Variants in RDX observed in about 807,000 individuals in gnomAD.
RDX encodes radixin.
A neutral mutation model predicts 83.7 loss-of-function variants in RDX; 32 were observed. The observed-to-expected ratio is 0.38, with a 90% CI of 0.29 to 0.51. The LOEUF (loss-of-function observed/expected upper bound fraction) is 0.51, where lower values mean the gene tolerates loss of function less well. RDX is among the 20% of genes least tolerant of loss of function. The pLI is 0.87. For synonymous variants in RDX, 229 were observed against 222.7 expected (o/e 1.03, Z -0.25); for missense variants, 600 against 689.9 (o/e 0.87, Z 1.46).
At chr11:110,256,692 T>C (rs987148046) in intron 7 of RDX, among the ~76,000 whole-genome samples, 1 of 152,128 alleles carries the variant, frequency 6.6e-6, no homozygotes, top group Non-Finnish European at 1.5e-5. Context: ...CTGGGCAACA[T>C]AGCAAGATCC....
chr11:110,266,903 T>C (rs1373654300), intron 3 of RDX, among the ~76,000 whole-genome samples: 4 of 151,994 alleles, frequency 2.6e-5, no homozygotes, highest in African/African-American at 9.7e-5. Context: ...TTTGTTTGTT[T>C]GTTTGTTTGT....
chr11:110,224,137 G>A (rs1041419698), intron 14 of RDX, among the ~76,000 whole-genome samples: 11 of 151,804 alleles, frequency 7.2e-5, no homozygotes, highest in Non-Finnish European at 1.2e-4. Context: ...GATAATCTCT[G>A]AGTTATGTTT....
chr11:110,218,873 C>T (rs1050205446), intron 14 of RDX, among the ~76,000 whole-genome samples: 21 of 152,154 alleles, frequency 1.4e-4, no homozygotes, highest in Admixed American at 5.2e-4. Context: ...GCTCTCAGAG[C>T]TCATCTATCC....
chr11:110,281,938 CAAAAA>C (rs750336725), intron 1 of RDX, among the ~76,000 whole-genome samples: 1 of 91,252 alleles, frequency 1.1e-5, no homozygotes. Flanking sequence ...CCATCTCTAT[CAAAAA>C]AAAAAAAAAA....
rs1159514174 is a variant in RDX at position 110,243,098 on chromosome 11, A to T, written c.1090+4605T>A. Among the ~76,000 whole-genome samples the T allele has an allele frequency of 2.6e-5, 4 of 152,262 alleles. No individual in the cohort carries two copies. In the South Asian group the frequency reaches 8.3e-4, roughly 32 times the overall value. ...GAACTCCAAATTACTCCAAAATCCT[A>T]AATTTTTTGAGCATTTGCATGACAC... On this transcript the variant is annotated intron_variant, in intron 10 of 13. Coordinates refer to ENST00000645495, the MANE Select transcript of RDX (RefSeq NM_002906.4).
chr11:110,279,415 A>T (rs1356570288), intron 2 of RDX, among the ~76,000 whole-genome samples: 1 of 152,154 alleles, frequency 6.6e-6, no homozygotes, highest in Non-Finnish European at 1.5e-5. Flanking sequence ...AATCCCAGCT[A>T]CTCAGGAGGC....
intron 2 of RDX, among the ~76,000 whole-genome samples, chr11:110,275,474 T>C (rs1055869371): frequency 1.3e-5 from 2 of 152,204 alleles, no homozygotes; most frequent in Admixed American, 1.3e-4. Flanking sequence ...AACACTAAAT[T>C]TGTGGTAATT....
At chr11:110,209,439 A>C (rs545133288) in intron 14 of RDX, among the ~76,000 whole-genome samples, 43 of 152,254 alleles carry the variant, frequency 2.8e-4, no homozygotes, top group Non-Finnish European at 4.1e-4. Flanking sequence ...CCCAGGCTTG[A>C]TTAGGTAAAC....
intron 3 of RDX, 64 bp from the exon 4 acceptor site, chr11:110,264,938 T>G (rs1452418466): frequency 8.6e-7 from 1 of 1,162,244 alleles, no homozygotes; most frequent in Non-Finnish European, 1.3e-6. Context: ...GTCTAGATGA[T>G]ACTACACTTC....
In RDX at chr11:110,236,156, T is replaced by C. The variant is rs781594376; in HGVS notation, c.1287A>G (p.Ala429=). 3 of 1,612,624 alleles carry C rather than the reference T, an allele frequency of 1.9e-6. No individual in the cohort carries two copies. The Admixed American group carries it at 5.0e-5, about 27-fold the overall frequency. Residue 429 remains alanine, a synonymous_variant, in exon 12 of 14, where the codon GCA becomes GCG. Transcript: ENST00000645495. ...TTTTCTTCTTGGCTTCCTCTAGAAG[T>C]GCAATCTTGGCAGTGAATTCAGCAA... ...AELAEFTAKI[A]LLEEAKKKKE...
At chr11:110,223,340 G>A (rs375070812) in intron 14 of RDX, among the ~76,000 whole-genome samples, 3 of 151,678 alleles carry the variant, frequency 2.0e-5, no homozygotes, top group Admixed American at 6.6e-5. Context: ...GCGACAGAGC[G>A]AGACTCCATC....
Position 110,288,635 on chromosome 11 carries a change from T to TA in RDX, c.-65+7831dup, listed in dbSNP as rs565587446. On this transcript the variant is annotated intron_variant, in intron 1 of 13. Transcript: ENST00000645495. ...TATGTTTCTTAAATGTCTTTATAAT[T>TA]AGACAATATTCTCTAACACAGTCAA... Among the ~76,000 whole-genome samples, 22 of 152,344 alleles carry TA rather than the reference T, an allele frequency of 1.4e-4. No individual in the cohort carries two copies. In the South Asian group the frequency reaches 4.3e-3, roughly 30 times the overall value.
At chr11:110,236,839 T>C (rs1014845115) in intron 11 of RDX, among the ~76,000 whole-genome samples, 3 of 151,810 alleles carry the variant, frequency 2.0e-5, no homozygotes, top group Non-Finnish European at 4.4e-5. Flanking sequence ...AGGGTGGTCT[T>C]GAACTCCTGA....
intron 14 of RDX, among the ~76,000 whole-genome samples, chr11:110,221,019 C>A (rs1489669110): frequency 6.6e-6 from 1 of 151,872 alleles, no homozygotes; most frequent in East Asian, 1.9e-4. Flanking sequence ...CCTAGAAAAA[C>A]CATGCAGAGA....
rs981383497 is a variant in RDX at position 110,187,603 on chromosome 11, T to A, written c.*31+11978A>T. On this transcript the variant is annotated intron_variant, in intron 15 of 15. Transcript: ENST00000528498. The stretch of plus-strand genomic sequence containing the variant: ...TGCAGAGAACTTGGAGCTGAGAAGT[T>A]CCCCAGCTCCATACCTAGGCACACC... Among the ~76,000 whole-genome samples the A allele has an allele frequency of 2.0e-5, 3 of 152,134 alleles. No individual in the cohort carries two copies. The East Asian group carries it at 5.8e-4, about 29-fold the overall frequency.
intron 14 of RDX, among the ~76,000 whole-genome samples, chr11:110,202,460 C>T (rs1396305035): frequency 6.6e-6 from 1 of 152,028 alleles, no homozygotes; most frequent in Non-Finnish European, 1.5e-5. Context: ...GCTCTGTCCT[C>T]CAAACTGGAG....
At chr11:110,238,246 T>C (rs527585272) in intron 10 of RDX, among the ~76,000 whole-genome samples, 4 of 152,338 alleles carry the variant, frequency 2.6e-5, no homozygotes, top group Middle Eastern at 6.8e-3. Flanking sequence ...TATTGGTATA[T>C]ATTCATTCCT....
intron 9 of RDX, among the ~76,000 whole-genome samples, chr11:110,251,183 T>C (rs1156840096): frequency 6.6e-6 from 1 of 152,218 alleles, no homozygotes; most frequent in Non-Finnish European, 1.5e-5. Context: ...AAAACACTCA[T>C]TTCAATGCAG....
At chr11:110,179,988 G>C (rs1268522888) in intron 15 of RDX, 1 of 348,362 alleles carries the variant, frequency 2.9e-6, no homozygotes, top group African/African-American at 2.4e-5. Context: ...TGCAACCTCC[G>C]CCTCACAGGT....
Sources: gnomAD v4.1 joint callset for allele counts (sites outside exome capture counted in the v4.1 genomes callset) on GRCh38, gnomAD v4.1.1 for gene constraint, MANE v1.5 for transcripts, NCBI Gene and HGNC (gene_info 2026-07-23, HGNC 2026-07-21) for gene names.